Variants in GPR158 observed in about 807,000 individuals in gnomAD.
GPR158 encodes G protein-coupled receptor 158.
GPR158 carries 30 observed loss-of-function variants against 78.2 expected under a neutral mutation model. The ratio of observed to expected loss-of-function variants is 0.38; its 90% CI spans 0.29 to 0.52. The LOEUF (loss-of-function observed/expected upper bound fraction) is 0.52. Among genes scored for constraint, GPR158 ranks in the 20% least tolerant of loss-of-function variants. The pLI is 0.83. For synonymous variants in GPR158, 581 were observed against 591.1 expected (o/e 0.98, Z 0.25); for missense variants, 1,463 against 1,523.5 (o/e 0.96, Z 0.66).
rs1010175097 is a variant in GPR158, at chr10:25,477,412, A to C, written c.1404+10693A>C. On this transcript the variant is annotated intron_variant, in intron 5 of 10. Coordinates refer to ENST00000376351, the MANE Select transcript of GPR158 (RefSeq NM_020752.3). ...GATATGACCCCATCATTCTTTGAGC[A>C]CTTTCCTATGTTCTAATGCAACAGA... Among the ~76,000 whole-genome samples the C allele has an allele frequency of 2.6e-5, 4 of 152,272 alleles. No individual in the cohort carries two copies. The East Asian group carries it at 7.7e-4, about 29-fold the overall frequency.
intron 2 of GPR158, among the ~76,000 whole-genome samples, chr10:25,263,890 C>A (rs924313071): frequency 1.3e-5 from 2 of 152,138 alleles, no homozygotes; most frequent in Admixed American, 1.3e-4. Context: ...TGAGCTGATA[C>A]AGTGCCACTG....
intron 2 of GPR158, among the ~76,000 whole-genome samples, chr10:25,327,251 A>AACACACACACACAC (rs141069877): frequency 5.9e-4 from 88 of 149,166 alleles, no homozygotes; most frequent in Middle Eastern, 3.5e-3. Context: ...GACACTTACA[A>AACACACACACACAC]ACACACACAC....
intron 2 of GPR158, among the ~76,000 whole-genome samples, chr10:25,269,579 A>G (rs1010340526): frequency 6.6e-6 from 1 of 152,202 alleles, no homozygotes; most frequent in African/African-American, 2.4e-5. Flanking sequence ...TAGCAAATCA[A>G]TCATTTTGAC....
At chr10:25,384,063 A>G (rs1834190096) in intron 2 of GPR158, among the ~76,000 whole-genome samples, 1 of 152,174 alleles carries the variant, frequency 6.6e-6, no homozygotes, top group Admixed American at 6.5e-5. Flanking sequence ...AATATTAACT[A>G]TTTATTATCT....
intron 2 of GPR158, among the ~76,000 whole-genome samples, chr10:25,277,985 C>T (rs947041954): frequency 6.6e-6 from 1 of 152,050 alleles, no homozygotes; most frequent in East Asian, 1.9e-4. Context: ...CCTATAGTGT[C>T]TAATTGAGGC....
intron 5 of GPR158, among the ~76,000 whole-genome samples, chr10:25,502,480 G>T (rs2130659410): frequency 6.6e-6 from 1 of 152,174 alleles, no homozygotes; most frequent in East Asian, 1.9e-4. Context: ...GTGAGTAAGG[G>T]GCAAGGTGGG....
At chr10:25,446,606 GTTAA>G (rs1835141281) in intron 4 of GPR158, among the ~76,000 whole-genome samples, 1 of 152,102 alleles carries the variant, frequency 6.6e-6, no homozygotes, top group African/African-American at 2.4e-5. Context: ...GTCCATTTGT[GTTAA>G]CGGCTAGAAG....
intron 1 of GPR158, among the ~76,000 whole-genome samples, chr10:25,199,698 C>G (rs1196630490): frequency 6.6e-6 from 1 of 151,982 alleles, no homozygotes; most frequent in Non-Finnish European, 1.5e-5. Context: ...TCTCTTGCCC[C>G]CATGGAAGAC....
intron 2 of GPR158, among the ~76,000 whole-genome samples, chr10:25,243,601 C>G (rs186720851): frequency 6.6e-6 from 1 of 152,252 alleles, no homozygotes; most frequent in Admixed American, 6.5e-5. Flanking sequence ...TGTTTTTATC[C>G]CAAAGGAACA....
At chr10:25,336,296 C>T (rs1044984735) in intron 2 of GPR158, among the ~76,000 whole-genome samples, 1 of 151,956 alleles carries the variant, frequency 6.6e-6, no homozygotes, top group African/African-American at 2.4e-5. Context: ...GAAAAAAAGA[C>T]TTGAAAAATT....
chr10:25,198,382 G>C (rs930557176), intron 1 of GPR158, among the ~76,000 whole-genome samples: 7 of 152,134 alleles, frequency 4.6e-5, no homozygotes, highest in African/African-American at 1.7e-4. Flanking sequence ...AAAGTGGTGT[G>C]GGGGAGGAGA....
intron 4 of GPR158, among the ~76,000 whole-genome samples, chr10:25,426,941 G>A (rs181386383): frequency 9.2e-5 from 14 of 151,670 alleles, no homozygotes; most frequent in Non-Finnish European, 1.6e-4. Context: ...CAGTTTCAAT[G>A]ATGCAAAGTC....
At chr10:25,453,431 G>A (rs1835248928) in intron 4 of GPR158, among the ~76,000 whole-genome samples, 1 of 152,024 alleles carries the variant, frequency 6.6e-6, no homozygotes, top group Non-Finnish European at 1.5e-5. Context: ...ACAGGTGTGA[G>A]GTGACATCTT....
intron 2 of GPR158, among the ~76,000 whole-genome samples, chr10:25,266,295 A>G (rs1220552150): frequency 6.6e-6 from 1 of 152,308 alleles, no homozygotes; most frequent in Non-Finnish European, 1.5e-5. Context: ...TCATGAGGGT[A>G]GTCCTTTGTG....
intron 4 of GPR158, among the ~76,000 whole-genome samples, chr10:25,429,383 C>T (rs1834866208): frequency 6.6e-6 from 1 of 152,066 alleles, no homozygotes. Flanking sequence ...ACACATACCT[C>T]CATGTATTTT....
chr10:25,371,621 A>G (rs199567449), intron 2 of GPR158, among the ~76,000 whole-genome samples: 21,851 of 141,626 alleles, frequency 0.15, 1,966 homozygotes, highest in African/African-American at 0.24. Flanking sequence ...TTCCCTATTT[A>G]ATAAATGGCG....
intron 2 of GPR158, among the ~76,000 whole-genome samples, chr10:25,349,979 G>A (rs1855435637): frequency 6.6e-6 from 1 of 152,000 alleles, no homozygotes; most frequent in African/African-American, 2.4e-5. Context: ...TGTATCTGGT[G>A]TGCTTTCTGG....
intron 2 of GPR158, among the ~76,000 whole-genome samples, chr10:25,373,364 A>C (rs367645872): frequency 3.3e-5 from 5 of 152,062 alleles, no homozygotes; most frequent in African/African-American, 1.2e-4. Context: ...TGGGTGGCCA[A>C]ATAATTTGTA....
Position 25,318,906 on chromosome 10 carries a change from T to A in GPR158, c.1009-77005T>A, listed in dbSNP as rs116642580. On this transcript the variant is annotated intron_variant, in intron 2 of 10. Transcript: ENST00000376351. Reference sequence around the variant, plus strand: ...AACACAGGAGATTGTGTGTCCTGCCTTTGAAATGTTCTAAAAAGTCTCAGC... The same window carrying A: ...AACACAGGAGATTGTGTGTCCTGCCATTGAAATGTTCTAAAAAGTCTCAGC... Among the ~76,000 whole-genome samples, 221 of 152,342 alleles carry A rather than the reference T, an allele frequency of 1.5e-3. 2 individuals carry two copies. Among genetic ancestry groups the A allele is most frequent in the African/African-American group, 5.1e-3 (212 of 41,566 alleles).
Sources: allele counts gnomAD v4.1 joint callset (sites outside exome capture counted in the v4.1 genomes callset), GRCh38; gene constraint gnomAD v4.1.1; transcripts MANE v1.5; gene names NCBI Gene and HGNC (gene_info 2026-07-23, HGNC 2026-07-21).